The following DHX9 variants were observed in gnomAD, a reference collection of about 807,000 sequenced individuals.
DHX9 encodes the protein ATP-dependent RNA helicase A.
In DHX9, 27 loss-of-function variants were observed where a neutral mutation model predicts 148.7. The observed-to-expected ratio is 0.18, with a 90% confidence interval of 0.13 to 0.25. The LOEUF is 0.25. Among genes scored for constraint, DHX9 ranks in the 10% least tolerant of loss-of-function variants. The probability of loss-of-function intolerance (pLI) is 1.00; values close to 1 mark genes in which losing one functional copy is unlikely to be tolerated. For missense variants in DHX9, 796 were observed against 1,559.6 expected, an observed-to-expected ratio of 0.51 and a Z score of 8.25; for synonymous variants, 529 against 516.6, an observed-to-expected ratio of 1.02 and a Z score of -0.33.
At chr1:182,886,392 T>C (rs975301880) in intron 27 of DHX9, among the ~76,000 whole-genome samples, 1 of 151,872 alleles carries the variant, frequency 6.6e-6, no homozygotes, top group Non-Finnish European at 1.5e-5. Context: ...AACAGGGTTT[T>C]GCCATGTTGC....
chr1:182,886,018 T>C (rs1649305577), intron 27 of DHX9, among the ~76,000 whole-genome samples: 2 of 152,142 alleles, frequency 1.3e-5, no homozygotes, highest in South Asian at 4.1e-4. Context: ...TGTATGAATA[T>C]GTGGTGGCTT....
In DHX9 at chr1:182,887,244, C is replaced by T; in HGVS notation, c.3623C>T (p.Ala1208Val). 1 of 1,614,062 alleles carries T rather than the reference C, an allele frequency of 6.2e-7. No homozygotes were observed. The highest frequency in any genetic ancestry group is 8.5e-7 in the Non-Finnish European group (1 of 1,180,028). The change falls in exon 28 of 28, where the codon GCA becomes GTA. Residue 1208 changes from alanine to valine, a missense_variant. Physicochemically the swap from Ala to Val is moderately conservative, Grantham distance 64. Around this residue, in one of 14 missense-constraint regions of DHX9, gnomAD observed 98 missense variants for 105.5 expected, o/e 0.93. Coordinates refer to ENST00000367549, the MANE Select transcript of DHX9 (RefSeq NM_001357.5). ...GYGGSANSFR[A>V]GYGAGVGGGY... ...GGTGGCAGCGCCAACTCCTTTCGGG[C>T]AGGATATGGTGCAGGTGTTGGTGGA...
At chr1:182,848,226 C>A (rs113461216) in intron 3 of DHX9, among the ~76,000 whole-genome samples, 192 of 152,286 alleles carry the variant, frequency 1.3e-3, no homozygotes, top group African/African-American at 4.5e-3. Flanking sequence ...GTAACACTTA[C>A]TTTTTAACTC....
chr1:182,886,616 A>G (rs529994040), intron 27 of DHX9, among the ~76,000 whole-genome samples: 2 of 152,318 alleles, frequency 1.3e-5, no homozygotes, highest in East Asian at 3.9e-4. Context: ...GTCCATCTTG[A>G]TTTCTGCAAT....
At chr1:182,864,039 G>GGGTA (rs1648166444) in intron 12 of DHX9, among the ~76,000 whole-genome samples, 2 of 152,232 alleles carry the variant, frequency 1.3e-5, no homozygotes, top group South Asian at 4.1e-4. Flanking sequence ...TGGCACCCCA[G>GGGTA]GGTAGTCCCA....
In DHX9 at chr1:182,852,850, C is replaced by T. The variant is rs566595236; in HGVS notation, c.365-456C>T. On this transcript the variant is annotated intron_variant, in intron 4 of 27. Transcript: ENST00000367549. ...GTCACAGCTTTTATTGGGATGTCTA[C>T]CATATGGTAGATTAGGATTTGGGTC... Among the ~76,000 whole-genome samples, 3 of 152,216 alleles carry T rather than the reference C, an allele frequency of 2.0e-5. No homozygotes were observed. The East Asian group carries it at 5.8e-4, about 29-fold the overall frequency.
At chr1:182,868,762 C>T (rs374696516) in intron 14 of DHX9, among the ~76,000 whole-genome samples, 2 of 152,084 alleles carry the variant, frequency 1.3e-5, no homozygotes, top group Admixed American at 1.3e-4. Flanking sequence ...GGTGATCCAC[C>T]TTCCTGGCCT....
chr1:182,844,832 T>G (rs1667998851), intron 3 of DHX9, among the ~76,000 whole-genome samples: 1 of 152,138 alleles, frequency 6.6e-6, no homozygotes, highest in African/African-American at 2.4e-5. Context: ...CCAGCTAATT[T>G]TTGTGTTTTT....
In DHX9 at chr1:182,842,542, T is replaced by C. The variant is rs759592126; in HGVS notation, c.-22-3T>C. The stretch of plus-strand genomic sequence containing the variant: ...TGTTTTTAACTGACTTTTGTTTTCT[T>C]AGATCTGAAGAAGACACTTGAATCA... On this transcript the variant is annotated splice_polypyrimidine_tract_variant and splice_region_variant and intron_variant, in intron 1 of 27. Coordinates refer to ENST00000367549, the MANE Select transcript of DHX9 (RefSeq NM_001357.5). The C allele has an allele frequency of 3.8e-6, 6 of 1,570,168 alleles. No homozygotes were observed. Among genetic ancestry groups the C allele is most frequent in the Non-Finnish European group, 5.2e-6 (6 of 1,148,286 alleles).
Position 182,872,189 on chromosome 1 carries a change from T to G in DHX9, c.1558-148T>G, listed in dbSNP as rs1648578339. 1.1e-5 allele frequency: 7 copies of G among 612,566 alleles called. No individual in the cohort carries two copies. In the South Asian group the frequency reaches 1.6e-4, roughly 14 times the overall value. 37.9% of individuals were successfully genotyped at this position (612,566 alleles called of 1,614,324 possible). A position where few individuals can be genotyped will look rare whatever the true frequency, so the allele number is the denominator to read the frequency against. On this transcript the variant is annotated intron_variant, in intron 14 of 27. Transcript: ENST00000367549. ...TGTTATCTTAAAAATTGATAAAAGA[T>G]CCATTGTGGTCCTTTATCTTGGCAC...
intron 1 of DHX9, among the ~76,000 whole-genome samples, chr1:182,840,932 G>A (rs1242185498): frequency 6.6e-6 from 1 of 152,180 alleles, no homozygotes; most frequent in Non-Finnish European, 1.5e-5. Flanking sequence ...TTTTGACTGA[G>A]ATGCCAAGTT....
At chr1:182,879,144 AT>A (rs1440958956) in intron 20 of DHX9, 105 bp from the exon 21 acceptor site, 2 of 883,290 alleles carry the variant, frequency 2.3e-6, no homozygotes, top group African/African-American at 3.4e-5. Context: ...AAATAAAAGG[AT>A]GAGGAAAAGG....
In DHX9 at chr1:182,884,634, T is replaced by A. The variant is rs199552563; in HGVS notation, c.3282T>A (p.His1094Gln). Residue 1094 changes from histidine to glutamine, a missense_variant, in exon 27 of 28, where the codon CAT (histidine) becomes CAA (glutamine). Around this residue, in one of 14 missense-constraint regions of DHX9, gnomAD observed 86 missense variants for 156.3 expected, o/e 0.55. Coordinates refer to ENST00000367549, the MANE Select transcript of DHX9 (RefSeq NM_001357.5). ...VDDWIKLQIS[H>Q]EAAACITGLR... is the part of the protein sequence containing the mutation. ...TTAGGATTAAACTGCAAATATCTCA[T>A]GAAGCTGCTGCCTGTATCACTGGTC... 1 of 1,614,066 alleles carries A rather than the reference T, an allele frequency of 6.2e-7. No homozygotes were observed. The highest frequency in any genetic ancestry group is 1.7e-5 in the Admixed American group (1 of 59,992).
At chr1:182,869,278 GGTCTTATCCGGTTCGGCCCA>G (rs1648439622) in intron 14 of DHX9, among the ~76,000 whole-genome samples, 1 of 152,048 alleles carries the variant, frequency 6.6e-6, no homozygotes, top group Non-Finnish European at 1.5e-5. Context: ...AGTCCTGACC[GGTCTTATCCGGTTCGGCCCA>G]GTCTGGTCCG....
intron 6 of DHX9, among the ~76,000 whole-genome samples, chr1:182,854,394 C>G (rs991143278): frequency 5.3e-5 from 8 of 152,092 alleles, no homozygotes; most frequent in African/African-American, 1.7e-4. Context: ...AGAAGTTCAG[C>G]GTAAATCTTT....
At chr1:182,868,731 G>A (rs1648412069) in intron 14 of DHX9, among the ~76,000 whole-genome samples, 1 of 151,818 alleles carries the variant, frequency 6.6e-6, no homozygotes, top group Admixed American at 6.6e-5. Flanking sequence ...TGGCCAGGCT[G>A]GTCTCAAACT....
chr1:182,843,457 T>C (rs1203608676), intron 3 of DHX9, 23 bp downstream of exon 3: 2 of 1,552,540 alleles, frequency 1.3e-6, no homozygotes, highest in African/African-American at 2.8e-5. Context: ...GGCGAAGCAC[T>C]TGAGATGTAT....
chr1:182,842,184 G>A (rs1039935020), intron 1 of DHX9, among the ~76,000 whole-genome samples: 4 of 152,164 alleles, frequency 2.6e-5, no homozygotes, highest in African/African-American at 9.7e-5. Context: ...CCATTGTTGT[G>A]AGGATGAACT....
At chr1:182,864,488 G>A (rs1648195949) in intron 12 of DHX9, among the ~76,000 whole-genome samples, 1 of 152,218 alleles carries the variant, frequency 6.6e-6, no homozygotes, top group Non-Finnish European at 1.5e-5. Context: ...TTGGGTCAGA[G>A]GGTATGCATA....
Sources: allele counts gnomAD v4.1 joint callset (sites outside exome capture counted in the v4.1 genomes callset), GRCh38; gene constraint gnomAD v4.1.1; regional missense constraint gnomAD v4.1.1; transcripts MANE v1.5; gene names NCBI Gene and HGNC (gene_info 2026-07-23, HGNC 2026-07-21).